Variants in CELF2 observed in about 807,000 individuals in gnomAD.
CELF2 encodes CUGBP Elav-like family member 2, also known as CUG triplet repeat RNA-binding protein 2.
Under a neutral mutation model 62.6 loss-of-function variants are expected in CELF2, and 8 were observed. That is an observed-to-expected ratio of 0.13 (90% CI 0.07 to 0.23). The LOEUF (loss-of-function observed/expected upper bound fraction) is 0.23, where lower values mean the gene tolerates loss of function less well. Among genes scored for constraint, CELF2 ranks in the 10% least tolerant of loss-of-function variants. CELF2 has a pLI of 1.00. For missense variants in CELF2, 333 were observed against 671.0 expected (o/e 0.50, Z 5.56); for synonymous variants, 258 against 250.0 (o/e 1.03, Z -0.30).
At chr10:11,320,750 A>C (rs1008215725) in intron 10 of CELF2, 4 of 1,181,028 alleles carry the variant, frequency 3.4e-6, no homozygotes, top group Non-Finnish European at 4.7e-6. Flanking sequence ...TCAGCCCTGC[A>C]AGCTATCCCA....
intron 7 of CELF2, among the ~76,000 whole-genome samples, chr10:11,273,914 G>T (rs1398938107): frequency 6.6e-6 from 1 of 151,802 alleles, no homozygotes; most frequent in African/African-American, 2.4e-5. Context: ...TAGAGATGGG[G>T]GTTTTGCCAT....
intron 1 of CELF2, among the ~76,000 whole-genome samples, chr10:10,823,765 A>G (rs576309776): frequency 6.6e-6 from 1 of 152,342 alleles, no homozygotes; most frequent in Non-Finnish European, 1.5e-5. Context: ...TTTGACATCT[A>G]TGAGCTTATT....
rs1342637938 is a variant in CELF2 at position 11,227,873 on chromosome 10, T to G, written c.354+10366T>G. 6.6e-6 allele frequency among the ~76,000 whole-genome samples: 1 copy of G among 152,172 alleles called. No homozygotes were observed. The highest frequency in any genetic ancestry group is 1.9e-4 in the East Asian group (1 of 5,194). ...TCCTGGAGGCTTAACTGAGTGACTG[T>G]GGGTCGCTGGGTGTATTTTAATCTG... On this transcript the variant is annotated intron_variant, in intron 3 of 12. Transcript: ENST00000633077. This position sits in a 1 kb window ranked among gnomAD's most constrained non-coding sequence, Gnocchi z 4.8.
intron 2 of CELF2, among the ~76,000 whole-genome samples, chr10:11,212,318 C>T (rs779166024): frequency 5.3e-5 from 8 of 152,106 alleles, no homozygotes; most frequent in Non-Finnish European, 4.4e-5. Flanking sequence ...ATGGCTGCCC[C>T]GAGATGCTCC....
In CELF2 at chr10:11,306,499, G is replaced by T. The variant is rs2094220043; in HGVS notation, c.977-7640G>T. On this transcript the variant is annotated intron_variant, in intron 9 of 12. Transcript: ENST00000633077. The surrounding 1 kb of genome is among the most constrained non-coding windows in gnomAD (Gnocchi z 4.4). ...CATCTGCTGAACGGTCAGTCTTTAGGTACTTGATCAAGGTTGGCTGTGTGA... is the reference window on the plus strand; with the variant it reads ...CATCTGCTGAACGGTCAGTCTTTAGTTACTTGATCAAGGTTGGCTGTGTGA... 6.6e-6 allele frequency among the ~76,000 whole-genome samples: 1 copy of T among 151,962 alleles called. No homozygotes were observed. Among genetic ancestry groups the T allele is most frequent in the Admixed American group, 6.6e-5 (1 of 15,254 alleles).
At chr10:10,851,060 C>A (rs1274400592) in intron 1 of CELF2, among the ~76,000 whole-genome samples, 1 of 152,166 alleles carries the variant, frequency 6.6e-6, no homozygotes, top group African/African-American at 2.4e-5. Context: ...TCTGCCTTGG[C>A]CTCCCAAAGT....
At chr10:10,580,440 T>C in the CELF2 span, among the ~76,000 whole-genome samples, 6 of 152,182 alleles carry the variant, frequency 3.9e-5, no homozygotes, top group African/African-American at 1.4e-4. Flanking sequence ...AAATCCTTTT[T>C]TTACTCTTCT....
chr10:11,123,541 T>C (rs950948884), intron 1 of CELF2, among the ~76,000 whole-genome samples: 2 of 152,182 alleles, frequency 1.3e-5, no homozygotes, highest in Non-Finnish European at 2.9e-5. Context: ...TGAGCCACCA[T>C]GCCCGGCTGA....
At chr10:10,703,484 G>A in the CELF2 span, among the ~76,000 whole-genome samples, 3 of 152,142 alleles carry the variant, frequency 2.0e-5, no homozygotes, top group South Asian at 2.1e-4. Context: ...GGGGCTCTAC[G>A]AAGGATACAG....
At chr10:11,271,224 G>C (rs147008383) in intron 7 of CELF2, among the ~76,000 whole-genome samples, 6 of 152,192 alleles carry the variant, frequency 3.9e-5, no homozygotes, top group Admixed American at 3.9e-4. Flanking sequence ...CTGGCTCTTC[G>C]CAGTGGAACC....
chr10:11,131,418 C>A (rs2059607342), intron 1 of CELF2, among the ~76,000 whole-genome samples: 1 of 152,178 alleles, frequency 6.6e-6, no homozygotes, highest in African/African-American at 2.4e-5. Flanking sequence ...ATCATCCTAG[C>A]TGAATAGAGT....
chr10:11,260,606 G>A lies in CELF2; in HGVS notation c.538+2734G>A, dbSNP rs1488361016. On this transcript the variant is annotated intron_variant, in intron 5 of 12. Transcript: ENST00000633077. This position sits in a 1 kb window ranked among gnomAD's most constrained non-coding sequence, Gnocchi z 4.2. ...AGTCTCATCAATATTTTATGCAAAC[G>A]CTGGCTCAGTGGAAAGAGGAGAAAA... Among the ~76,000 whole-genome samples, 2 of 151,452 alleles carry A rather than the reference G, an allele frequency of 1.3e-5. No homozygotes were observed. Among genetic ancestry groups the A allele is most frequent in the Non-Finnish European group, 2.9e-5 (2 of 67,968 alleles).
At chr10:10,615,699 A>G in the CELF2 span, among the ~76,000 whole-genome samples, 9 of 151,236 alleles carry the variant, frequency 6.0e-5, no homozygotes, top group Admixed American at 2.0e-4. Context: ...ACACCTCCCC[A>G]CTCTCTCTTC....
rs1470068141 is a variant in CELF2 at position 11,281,114 on chromosome 10, C to T, written c.841+5994C>T. Reference sequence around the variant, plus strand: ...TCTTCCTGATGGCCCAAGTCACTGCCCCACCCCCAGGCTGTCATGCAGTGA... The same window carrying T: ...TCTTCCTGATGGCCCAAGTCACTGCTCCACCCCCAGGCTGTCATGCAGTGA... On this transcript the variant is annotated intron_variant, in intron 8 of 12. Transcript: ENST00000633077. Among the ~76,000 whole-genome samples, 3 of 152,004 alleles carry T rather than the reference C, an allele frequency of 2.0e-5. No individual in the cohort carries two copies. In the East Asian group the frequency reaches 5.8e-4, roughly 29 times the overall value.
chr10:10,703,661 A>G, the CELF2 span, among the ~76,000 whole-genome samples: 1 of 152,254 alleles, frequency 6.6e-6, no homozygotes, highest in African/African-American at 2.4e-5. Context: ...AGAACCATCC[A>G]TCAACATGAA....
the CELF2 span, among the ~76,000 whole-genome samples, chr10:10,666,900 A>C: frequency 0.013 from 1,056 of 78,864 alleles, 168 homozygotes; most frequent in African/African-American, 0.046. Flanking sequence ...AAGAAAGAAG[A>C]TGGTTTAACC....
At chr10:10,880,615 G>T (rs2061385618) in intron 1 of CELF2, among the ~76,000 whole-genome samples, 1 of 152,120 alleles carries the variant, frequency 6.6e-6, no homozygotes, top group South Asian at 2.1e-4. Context: ...TTTACAGGAA[G>T]GCATAATTTC....
At chr10:10,759,306 T>C in the CELF2 span, among the ~76,000 whole-genome samples, 515 of 138,520 alleles carry the variant, frequency 3.7e-3, 16 homozygotes, top group African/African-American at 7.4e-3. Flanking sequence ...CTTTTTTTTT[T>C]TTTTTTTTTT....
At chr10:11,042,572 A>C (rs553886654) in intron 1 of CELF2, among the ~76,000 whole-genome samples, 1 of 152,262 alleles carries the variant, frequency 6.6e-6, no homozygotes, top group Non-Finnish European at 1.5e-5. Context: ...CCCTTCTAAA[A>C]TGTTCAATTC....
Sources: gnomAD v4.1 joint callset for allele counts (sites outside exome capture counted in the v4.1 genomes callset) on GRCh38, gnomAD v4.1.1 for gene constraint, Gnocchi (gnomAD v3.1) non-coding constraint, MANE v1.5 for transcripts, NCBI Gene and HGNC (gene_info 2026-07-23, HGNC 2026-07-21) for gene names.